The following IP6K2 variants were observed in gnomAD, a reference collection of about 807,000 sequenced individuals.
The protein encoded by IP6K2 is inositol hexakisphosphate kinase 2, also known as ATP:1D-myo-inositol-hexakisphosphate phosphotransferase.
Under a neutral mutation model 43.3 loss-of-function variants are expected in IP6K2, and 9 were observed. The ratio of observed to expected loss-of-function variants is 0.21; its 90% CI spans 0.13 to 0.36. The LOEUF is 0.36. Among genes scored for constraint, IP6K2 ranks in the 10% least tolerant of loss-of-function variants. The pLI is 1.00. For synonymous variants in IP6K2, 209 were observed against 202.4 expected, an observed-to-expected ratio of 1.03 and a Z score of -0.28; for missense variants, 332 against 538.4, an observed-to-expected ratio of 0.62 and a Z score of 3.79.
intron 1 of IP6K2, among the ~76,000 whole-genome samples, chr3:48,712,659 C>T (rs948977915): frequency 1.3e-5 from 2 of 152,058 alleles, no homozygotes; most frequent in Non-Finnish European, 2.9e-5. Context: ...GAGGCCATAG[C>T]GAGCTATGAT....
intron 1 of IP6K2, among the ~76,000 whole-genome samples, chr3:48,708,516 G>A (rs1308546894): frequency 1.3e-5 from 2 of 151,864 alleles, no homozygotes; most frequent in South Asian, 2.1e-4. Context: ...CAAGGCATGA[G>A]TCAACTGGCC....
intron 1 of IP6K2, among the ~76,000 whole-genome samples, chr3:48,704,702 A>G (rs1443168413): frequency 6.6e-6 from 1 of 151,914 alleles, no homozygotes; most frequent in East Asian, 1.9e-4. Context: ...TGAACTCTTG[A>G]GTTCAAGTGA....
At chr3:48,703,214 G>C (rs907275751) in intron 1 of IP6K2, among the ~76,000 whole-genome samples, 1 of 152,058 alleles carries the variant, frequency 6.6e-6, no homozygotes, top group African/African-American at 2.4e-5. Context: ...CTAACCTTTT[G>C]GAAAATTCTC....
At chr3:48,707,192 A>G (rs1282500937) in intron 1 of IP6K2, among the ~76,000 whole-genome samples, 2 of 152,180 alleles carry the variant, frequency 1.3e-5, no homozygotes, top group Non-Finnish European at 2.9e-5. Flanking sequence ...CATTACCTTT[A>G]TAACTGAGAG....
intron 1 of IP6K2, among the ~76,000 whole-genome samples, chr3:48,703,521 G>A (rs1180803686): frequency 6.7e-6 from 1 of 150,024 alleles, no homozygotes; most frequent in Admixed American, 6.7e-5. Context: ...TGGCTAACAC[G>A]GTGAAACCCC....
In IP6K2 at chr3:48,695,184, A is replaced by G; in HGVS notation, c.108T>C (p.Asn36=). ...CCAGGGGCTTGCACAGGGTTGTCTC[A>G]TTGAAGCGGAGCACGCATGAGTGCC... The part of the protein sequence containing the change: ...VGGHSCVLRF[N]ETTLCKPLVP... The change falls in exon 2 of 6, where the codon AAT becomes AAC. Residue 36 remains asparagine, a synonymous_variant. Coordinates refer to ENST00000328631, the MANE Select transcript of IP6K2 (RefSeq NM_016291.4). This position sits in a 1 kb window ranked among gnomAD's most constrained non-coding sequence, Gnocchi z 4.6. 6.3e-7 allele frequency: 1 copy of G among 1,595,372 alleles called. No homozygotes were observed. Among genetic ancestry groups the G allele is most frequent in the South Asian group, 1.1e-5 (1 of 89,528 alleles).
chr3:48,708,202 A>G (rs1218139841), intron 1 of IP6K2: 1 of 152,126 alleles, frequency 6.6e-6, no homozygotes, highest in African/African-American at 2.4e-5. Context: ...CCGTGATCAC[A>G]TGACTGTACT....
intron 2 of IP6K2, 167 bp from the exon 3 acceptor site, chr3:48,693,346 A>T: frequency 9.0e-6 from 10 of 1,107,714 alleles, no homozygotes; most frequent in Non-Finnish European, 1.4e-5. Context: ...CAGCTAGAAA[A>T]GATGACACCA....
chr3:48,690,410 A>G (rs1204667493), intron 4 of IP6K2, among the ~76,000 whole-genome samples: 1 of 151,704 alleles, frequency 6.6e-6, no homozygotes, highest in Non-Finnish European at 1.5e-5. Flanking sequence ...CTGAGGCAGG[A>G]GGATCACTTG....
rs1305411777 is a variant in IP6K2, at chr3:48,688,133, G to A, written c.*140C>T. The A allele has an allele frequency of 2.4e-6, 2 of 827,678 alleles. No individual in the cohort carries two copies. Among genetic ancestry groups the A allele is most frequent in the Non-Finnish European group, 3.9e-6 (2 of 508,348 alleles). The allele number at this position is 827,678 out of a possible 1,614,324, so 51.3% of individuals were successfully genotyped here. A position where few individuals can be genotyped will look rare whatever the true frequency, so the allele number is the denominator to read the frequency against. On this transcript the variant is annotated 3_prime_UTR_variant, in exon 6 of 6. Transcript: ENST00000328631. The surrounding 1 kb of genome is among the most constrained non-coding windows in gnomAD (Gnocchi z 5.1). The stretch of plus-strand genomic sequence containing the variant: ...TCCAAGCACAGCTGGGACTGGCTCA[G>A]GCTGGGGCTCACAGAGGCCACTGCA...
Position 48,706,476 on chromosome 3 carries a change from T to C in IP6K2, c.-131+10681A>G, listed in dbSNP as rs137920632. Among the ~76,000 whole-genome samples, 578 of 152,192 alleles carry C rather than the reference T, an allele frequency of 3.8e-3. 5 individuals are homozygous for C. The highest frequency in any genetic ancestry group is 0.013 in the African/African-American group (548 of 41,522). On this transcript the variant is annotated intron_variant, in intron 1 of 5. Coordinates refer to ENST00000328631, the MANE Select transcript of IP6K2 (RefSeq NM_016291.4). The stretch of plus-strand genomic sequence containing the variant: ...AACAACCAAATAAAGAAATAAAAGA[T>C]AGGATCAATTACCCTTGAGGAGTGA...
At chr3:48,694,181 A>G (rs2078048953) in intron 2 of IP6K2, 1 of 1,550,816 alleles carries the variant, frequency 6.4e-7, no homozygotes, top group Non-Finnish European at 8.7e-7. Flanking sequence ...CACAGGGGAA[A>G]GGACCAGGGG....
chr3:48,691,251 C>T, intron 4 of IP6K2, 56 bp downstream of exon 4: 1 of 1,429,788 alleles, frequency 7.0e-7, no homozygotes, highest in Non-Finnish European at 9.6e-7. Context: ...CAAGGGACTT[C>T]CTCATTTCCT....
intron 1 of IP6K2, among the ~76,000 whole-genome samples, chr3:48,704,280 C>T (rs1438055649): frequency 6.6e-6 from 1 of 152,164 alleles, no homozygotes. Flanking sequence ...CCATAAAAAT[C>T]AAGTCCACTG....
chr3:48,689,772 T>C, intron 4 of IP6K2, 59 bp from the exon 5 acceptor site: 8 of 1,481,252 alleles, frequency 5.4e-6, no homozygotes, highest in Non-Finnish European at 7.5e-6. Flanking sequence ...TCCTTGGCAC[T>C]CTCAAGGTAC....
intron 1 of IP6K2, among the ~76,000 whole-genome samples, chr3:48,697,918 C>T (rs1420092860): frequency 2.6e-5 from 4 of 152,188 alleles, no homozygotes; most frequent in South Asian, 2.1e-4. Context: ...TAGAGAGTAC[C>T]CGACTATGGG....
At chr3:48,693,857 GCA>G in intron 2 of IP6K2, 4 of 1,167,800 alleles carry the variant, frequency 3.4e-6, no homozygotes, top group Non-Finnish European at 4.2e-6. Flanking sequence ...TGGTTGGGGA[GCA>G]CAGACATGTG....
At chr3:48,716,446 A>G (rs1443778257) in intron 1 of IP6K2, 1 of 152,196 alleles carries the variant, frequency 6.6e-6, no homozygotes, top group Non-Finnish European at 1.5e-5. Context: ...CTGCTAGTGT[A>G]GCTTAGTTGA....
intron 1 of IP6K2, among the ~76,000 whole-genome samples, chr3:48,714,319 G>A (rs888150890): frequency 4.6e-5 from 7 of 151,548 alleles, no homozygotes; most frequent in African/African-American, 7.3e-5. Flanking sequence ...TGCCCACCTC[G>A]GCCTCCCGAA....
Sources: gnomAD v4.1 joint callset for allele counts (sites outside exome capture counted in the v4.1 genomes callset) on GRCh38, gnomAD v4.1.1 for gene constraint, Gnocchi (gnomAD v3.1) non-coding constraint, MANE v1.5 for transcripts, NCBI Gene and HGNC (gene_info 2026-07-23, HGNC 2026-07-21) for gene names.